TASOR2: variants seen among roughly 807,000 people sequenced by gnomAD.
TASOR2 encodes the protein protein TASOR 2.
TASOR2 carries 84 observed loss-of-function variants against 199.5 expected under a neutral mutation model. The ratio of observed to expected loss-of-function variants is 0.42; its 90% CI spans 0.35 to 0.50. TASOR2 has a LOEUF of 0.50. Ranked by LOEUF, TASOR2 falls within the 20% of genes least tolerant of loss-of-function variation. The pLI, the probability that TASOR2 is intolerant of heterozygous loss-of-function variation, is 0.02. For missense variants in TASOR2, 2,796 were observed against 2,835.9 expected (o/e 0.99, Z 0.32); for synonymous variants, 1,103 against 1,046.6 (o/e 1.05, Z -1.04).
At chr10:5,712,309 GTTTTGAGTGATATTCAGTGTGTC>G (rs1832025945) in intron 1 of TASOR2, 1 of 994,510 alleles carries the variant, frequency 1.0e-6, no homozygotes, top group Non-Finnish European at 1.3e-6. Context: ...AATAGGTGAT[GTTTTGAGTGATATTCAGTGTGTC>G]TCCCTTAACC....
At chr10:5,692,278 G>A (rs1836526479) in intron 1 of TASOR2, among the ~76,000 whole-genome samples, 1 of 152,078 alleles carries the variant, frequency 6.6e-6, no homozygotes, top group Non-Finnish European at 1.5e-5. Flanking sequence ...CTGCATAAAT[G>A]ATGTGGGACG....
Position 5,738,245 on chromosome 10 carries a change from TG to T in TASOR2, c.1448-1372del, listed in dbSNP as rs1458946421. On this transcript the variant is annotated intron_variant, in intron 12 of 20. Coordinates refer to ENST00000328090, the Ensembl canonical transcript of TASOR2. The surrounding 1 kb of genome is among the most constrained non-coding windows in gnomAD (Gnocchi z 4.7). Reference sequence around the variant, plus strand: ...TGTCTTAAATAGAAATTATGGGTGGTGTTTTTTTAATTGGGAACCTGTAACA... The same window carrying T: ...TGTCTTAAATAGAAATTATGGGTGGTTTTTTTTAATTGGGAACCTGTAACA... Among the ~76,000 whole-genome samples, 13 of 152,328 alleles carry T rather than the reference TG, an allele frequency of 8.5e-5. No individual in the cohort carries two copies. The highest frequency in any genetic ancestry group is 1.3e-4 in the Non-Finnish European group (9 of 68,034).
rs1462502260 is a variant in TASOR2 at position 5,722,217 on chromosome 10, G to A, written c.146+1247G>A. Among the ~76,000 whole-genome samples, 1 of 152,138 alleles carries A rather than the reference G, an allele frequency of 6.6e-6. No homozygotes were observed. The highest frequency in any genetic ancestry group is 1.5e-5 in the Non-Finnish European group (1 of 68,010). Reference sequence around the variant, plus strand: ...TGTCTGTAATGCTAGCACTTTGGGAGGCCAAGGCAGGAGGATTGCTTGAGT... The same window carrying A: ...TGTCTGTAATGCTAGCACTTTGGGAAGCCAAGGCAGGAGGATTGCTTGAGT... On this transcript the variant is annotated intron_variant, in intron 6 of 20. Transcript: ENST00000328090. The surrounding 1 kb of genome is among the most constrained non-coding windows in gnomAD (Gnocchi z 4.0).
rs560167960 is a variant in TASOR2 at position 5,752,862 on chromosome 10, G to A, written c.6606+2835G>A. 5.9e-5 allele frequency among the ~76,000 whole-genome samples: 9 copies of A among 152,288 alleles called. No individual in the cohort carries two copies. In the East Asian group the frequency reaches 9.6e-4, roughly 16 times the overall value. ...GGGCTGTGGGAGAGAACAGCCTCACGCCTCATATGGCAGTGGCAGGGCCTT... is the reference window on the plus strand; with the variant it reads ...GGGCTGTGGGAGAGAACAGCCTCACACCTCATATGGCAGTGGCAGGGCCTT... On this transcript the variant is annotated intron_variant, in intron 15 of 20. Transcript: ENST00000328090. The surrounding 1 kb of genome is among the most constrained non-coding windows in gnomAD (Gnocchi z 4.4).
At chr10:5,735,603 G>A in intron 12 of TASOR2, 57 bp downstream of exon 13, 2 of 1,558,814 alleles carry the variant, frequency 1.3e-6, no homozygotes, top group South Asian at 1.2e-5. Context: ...AACAGAGAGT[G>A]CAAGATAATT....
At chr10:5,694,324 A>G (rs1836877109) in intron 1 of TASOR2, among the ~76,000 whole-genome samples, 1 of 152,172 alleles carries the variant, frequency 6.6e-6, no homozygotes, top group Non-Finnish European at 1.5e-5. Context: ...CTTTAATTAG[A>G]AATAAAGTGA....
At chr10:5,721,074 A>G (rs1833302494) in intron 6 of TASOR2, 104 bp downstream of exon 7, 5 of 814,246 alleles carry the variant, frequency 6.1e-6, no homozygotes, top group Non-Finnish European at 9.8e-6. Context: ...AAATACAGCA[A>G]CTGTTCTTGA....
In TASOR2 at chr10:5,748,604, A is replaced by G; in HGVS notation, c.5183A>G (p.Lys1728Arg). ...ACATCTTCTCTAAAAGGTGAACGCA[A>G]AGCCATCCACACGCTGCAAGATGTG... The change falls in exon 15 of 21, where the codon AAA becomes AGA. Residue 1728 changes from lysine (K) to arginine (R), a missense_variant. Lys to Arg is a conservative substitution (Grantham distance 26). Coordinates refer to ENST00000328090, the Ensembl canonical transcript of TASOR2. This position sits in a 1 kb window ranked among gnomAD's most constrained non-coding sequence, Gnocchi z 5.1. 2 of 1,613,994 alleles carry G rather than the reference A, an allele frequency of 1.2e-6. No homozygotes were observed. Among genetic ancestry groups the G allele is most frequent in the South Asian group, 1.1e-5 (1 of 91,080 alleles).
chr10:5,735,749 A>C (rs768407659), intron 12 of TASOR2, among the ~76,000 whole-genome samples: 18 of 152,336 alleles, frequency 1.2e-4, no homozygotes, highest in Non-Finnish European at 2.4e-4. Flanking sequence ...CAAACCTTCA[A>C]AAACATAGAG....
chr10:5,701,517 T>A lies in TASOR2; in HGVS notation c.-287-11306T>A, dbSNP rs943792553. ...AAGAAGAATGTCATTGGAATTTTGA[T>A]AGGGATTGATTGCATTGAATCTGTA... On this transcript the variant is annotated intron_variant, in intron 1 of 20. Transcript: ENST00000328090. The surrounding 1 kb of genome is among the most constrained non-coding windows in gnomAD (Gnocchi z 4.9). Among the ~76,000 whole-genome samples the A allele has an allele frequency of 6.6e-6, 1 of 152,204 alleles. No individual in the cohort carries two copies. Among genetic ancestry groups the A allele is most frequent in the Admixed American group, 6.5e-5 (1 of 15,278 alleles).
rs2131609821 is a variant in TASOR2, at chr10:5,738,592, G to A, written c.1448-1026G>A. ...TCAGTTTAACCCTTTCCCCATGTAT[G>A]TGCATGCCCTTGTCGTTCTAATTGA... is the stretch of plus-strand genomic sequence containing the variant. On this transcript the variant is annotated intron_variant, in intron 12 of 20. Transcript: ENST00000328090. The surrounding 1 kb of genome is among the most constrained non-coding windows in gnomAD (Gnocchi z 4.7). 6.6e-6 allele frequency among the ~76,000 whole-genome samples: 1 copy of A among 152,274 alleles called. No individual in the cohort carries two copies. Among genetic ancestry groups the A allele is most frequent in the Admixed American group, 6.5e-5 (1 of 15,300 alleles).
At chr10:5,708,656 CTT>C (rs1303242010) in intron 1 of TASOR2, among the ~76,000 whole-genome samples, 2 of 94,306 alleles carry the variant, frequency 2.1e-5, no homozygotes, top group African/African-American at 7.5e-5. Flanking sequence ...TCCTTCCTTC[CTT>C]TCCTTCCTTT....
chr10:5,724,494 T>A, exon 8 of TASOR2: 1 of 1,521,004 alleles, frequency 6.6e-7, no homozygotes, highest in Non-Finnish European at 8.8e-7. Flanking sequence ...AAGGGGAAAA[T>A]ATAGATAAAT....
intron 1 of TASOR2, among the ~76,000 whole-genome samples, chr10:5,695,060 C>T (rs981637025): frequency 6.6e-6 from 1 of 151,986 alleles, no homozygotes; most frequent in Non-Finnish European, 1.5e-5. Context: ...TTTTGGTATT[C>T]GCATCTGATT....
At chr10:5,727,945 G>T (rs1430876977) in intron 10 of TASOR2, among the ~76,000 whole-genome samples, 2 of 152,140 alleles carry the variant, frequency 1.3e-5, no homozygotes, top group East Asian at 1.9e-4. Context: ...GAGTTGACCA[G>T]TCACGGCAGC....
chr10:5,748,125 C>T lies in TASOR2; in HGVS notation c.4704C>T (p.Val1568=). The change falls in exon 15 of 21, where the codon GTC becomes GTT. Residue 1568 remains valine (V), a synonymous_variant. Coordinates refer to ENST00000328090, the Ensembl canonical transcript of TASOR2. This position sits in a 1 kb window ranked among gnomAD's most constrained non-coding sequence, Gnocchi z 5.1. Reference sequence around the variant, plus strand: ...GAAATTTGGACTTAAAACATCTTGTCTTGGAGTCCAGTGAACCTCCATTTG... The same window carrying T: ...GAAATTTGGACTTAAAACATCTTGTTTTGGAGTCCAGTGAACCTCCATTTG... 1.2e-6 allele frequency: 2 copies of T among 1,614,228 alleles called. No homozygotes were observed. Among genetic ancestry groups the T allele is most frequent in the Non-Finnish European group, 1.7e-6 (2 of 1,180,044 alleles).
At chr10:5,713,534 AG>A (rs1169456403) in intron 2 of TASOR2, among the ~76,000 whole-genome samples, 1 of 152,200 alleles carries the variant, frequency 6.6e-6, no homozygotes. Flanking sequence ...TTTATAAAGA[AG>A]GGGGGCAGAT....
In TASOR2 at chr10:5,748,191, A is replaced by G. The variant is rs1258104609; in HGVS notation, c.4770A>G (p.Thr1590=). 1 of 1,614,234 alleles carries G rather than the reference A, an allele frequency of 6.2e-7. No homozygotes were observed. The highest frequency in any genetic ancestry group is 8.5e-7 in the Non-Finnish European group (1 of 1,180,042). ...TTGAAAATAAGTCTTTGTCTGACAC[A>G]TTGGTTTCCACAACTGCACCAAGTG... The change falls in exon 15 of 21, where the codon ACA becomes ACG. Residue 1590 remains threonine, a synonymous_variant. Coordinates refer to ENST00000328090, the Ensembl canonical transcript of TASOR2. This position sits in a 1 kb window ranked among gnomAD's most constrained non-coding sequence, Gnocchi z 5.1.
At chr10:5,739,742 C>G in exon 13 of TASOR2, 6 of 1,614,182 alleles carry the variant, frequency 3.7e-6, no homozygotes, top group Non-Finnish European at 5.1e-6. Flanking sequence ...TTCCTGAAAA[C>G]TCCATCGTCA....
Sources: allele counts gnomAD v4.1 joint callset (sites outside exome capture counted in the v4.1 genomes callset), GRCh38; gene constraint gnomAD v4.1.1; non-coding constraint Gnocchi (gnomAD v3.1); transcripts MANE v1.5; gene names NCBI Gene and HGNC (gene_info 2026-07-23, HGNC 2026-07-21).